ERO1B: variants seen among roughly 807,000 people sequenced by gnomAD.
The protein encoded by ERO1B is endoplasmic reticulum oxidoreductase 1 beta, also known as ERO1-like protein beta.
In ERO1B, 49 loss-of-function variants were observed where a neutral mutation model predicts 75.3. That is an observed-to-expected ratio of 0.65 (90% confidence interval 0.52 to 0.83). The LOEUF is 0.83. ERO1B is among the 40% of genes least tolerant of loss of function. The pLI is 0.00. For synonymous variants in ERO1B, 191 were observed against 192.9 expected (o/e 0.99, Z 0.08); for missense variants, 512 against 560.1 (o/e 0.91, Z 0.87).
Position 236,252,102 on chromosome 1 carries a change from CAAGAA to C in ERO1B, c.307-16_307-12del. The C allele has an allele frequency of 6.3e-7, 1 of 1,579,324 alleles. No individual in the cohort carries two copies. The highest frequency in any genetic ancestry group is 8.7e-7 in the Non-Finnish European group (1 of 1,154,564). The stretch of plus-strand genomic sequence containing the variant: ...AACCGGAATTTTACTCTTAAAAAAA[CAAGAA>C]AAGCAAAAAAATTTTTAAGTGATCT... On this transcript the variant is annotated splice_polypyrimidine_tract_variant and intron_variant, in intron 3 of 15. Transcript: ENST00000354619.
chr1:236,267,002 T>G lies in ERO1B; in HGVS notation c.222+2873A>C, dbSNP rs78091871. Among the ~76,000 whole-genome samples, 316 of 152,374 alleles carry G rather than the reference T, an allele frequency of 2.1e-3. 5 individuals carry two copies. In the East Asian group the frequency reaches 0.057, roughly 28 times the overall value. On this transcript the variant is annotated intron_variant, in intron 2 of 15. Coordinates refer to ENST00000354619, the MANE Select transcript of ERO1B (RefSeq NM_019891.4). Reference sequence around the variant, plus strand: ...ATCCAAGTTCCATTATTCCTTCTTTTGTAACAGTCCCTAATTTCCCTTTGG... The same window carrying G: ...ATCCAAGTTCCATTATTCCTTCTTTGGTAACAGTCCCTAATTTCCCTTTGG...
chr1:236,224,930 TACCA>T, intron 13 of ERO1B, 136 bp downstream of exon 13: 3 of 740,418 alleles, frequency 4.1e-6, no homozygotes, highest in Admixed American at 2.4e-5. Context: ...AGGCTTTTTG[TACCA>T]TTTGTATTAA....
At position 236,217,483 on chromosome 1, in the gene ERO1B, T is replaced by C. The variant is rs1250051475; in HGVS notation, c.*1033A>G. On this transcript the variant is annotated 3_prime_UTR_variant, in exon 16 of 16. Coordinates refer to ENST00000354619, the MANE Select transcript of ERO1B (RefSeq NM_019891.4). ...GGTTGACCTAATCTACCTTTTTATA[T>C]ATCCTGTCAGGGAAAAGCACACTGA... 2.6e-5 allele frequency: 4 copies of C among 152,558 alleles called. No homozygotes were observed. Among genetic ancestry groups the C allele is most frequent in the African/African-American group, 4.8e-5 (2 of 41,448 alleles). The allele number at this position is 152,558 out of a possible 1,614,324, so 9.5% of individuals were successfully genotyped here. A position where few individuals can be genotyped will look rare whatever the true frequency, so the allele number is the denominator to read the frequency against.
chr1:236,275,055 AAGG>A lies in ERO1B; in HGVS notation c.103-5064_103-5062del, dbSNP rs1665680218. On this transcript the variant is annotated intron_variant, in intron 1 of 15. Coordinates refer to ENST00000354619, the MANE Select transcript of ERO1B (RefSeq NM_019891.4). ...AGCTTGCCCCATGTTTTTGAGGAAT[AAGG>A]AGGACTATACAATAGGCAAGAAGGA... 2.6e-5 allele frequency among the ~76,000 whole-genome samples: 4 copies of A among 152,230 alleles called. 1 individual carries two copies. In the South Asian group the frequency reaches 8.3e-4, roughly 32 times the overall value.
At chr1:236,278,785 T>C (rs796446837) in intron 1 of ERO1B, among the ~76,000 whole-genome samples, 7 of 152,324 alleles carry the variant, frequency 4.6e-5, no homozygotes, top group African/African-American at 1.7e-4. Context: ...TAATGGGGCA[T>C]GAGATATACA....
At chr1:236,264,370 G>C (rs1312158188) in intron 2 of ERO1B, among the ~76,000 whole-genome samples, 1 of 151,990 alleles carries the variant, frequency 6.6e-6, no homozygotes, top group Non-Finnish European at 1.5e-5. Context: ...CAGCCTCCCA[G>C]CGTGCCGGGA....
At chr1:236,266,697 T>C (rs947395172) in intron 2 of ERO1B, among the ~76,000 whole-genome samples, 6 of 152,220 alleles carry the variant, frequency 3.9e-5, no homozygotes, top group Non-Finnish European at 5.9e-5. Flanking sequence ...TCTTTGCCAC[T>C]GTTGTAGGTA....
rs1664522877 is a variant in ERO1B at position 236,235,738 on chromosome 1, G to T, written c.673+51C>A. The T allele has an allele frequency of 3.4e-6, 5 of 1,454,988 alleles. No homozygotes were observed. The East Asian group carries it at 1.1e-4, about 33-fold the overall frequency. 90.1% of individuals were successfully genotyped at this position (1,454,988 alleles called of 1,614,324 possible). ...TTTCAATATGAAGTTTAGTTATAAAGACATTTTATAAACAATGAAAAGCAT... is the reference window on the plus strand; with the variant it reads ...TTTCAATATGAAGTTTAGTTATAAATACATTTTATAAACAATGAAAAGCAT... On this transcript the variant is annotated intron_variant, in intron 8 of 15. Coordinates refer to ENST00000354619, the MANE Select transcript of ERO1B (RefSeq NM_019891.4).
At chr1:236,222,556 G>A (rs1664178346) in intron 13 of ERO1B, among the ~76,000 whole-genome samples, 1 of 152,186 alleles carries the variant, frequency 6.6e-6, no homozygotes, top group Non-Finnish European at 1.5e-5. Context: ...TTTATGCAAA[G>A]CACCAAAATA....
intron 2 of ERO1B, among the ~76,000 whole-genome samples, chr1:236,257,560 C>CAAAAAAAAAAAAAAAAA (rs57151086): frequency 2.9e-4 from 37 of 125,492 alleles, no homozygotes; most frequent in East Asian, 2.8e-3. Flanking sequence ...AAATATGCTC[C>CAAAAAAAAAAAAAAAAA]AAAAAAAAAA....
rs1054654345 is a variant in ERO1B at position 236,281,918 on chromosome 1, G to C, written c.-135C>G. On this transcript the variant is annotated 5_prime_UTR_variant, in exon 1 of 16. Coordinates refer to ENST00000354619, the MANE Select transcript of ERO1B (RefSeq NM_019891.4). ...GGTCAGAGGTCTGCACTCCAGTCCG[G>C]AGGCAGGCGACTCTTTCCCCAACAC... The C allele has an allele frequency of 1.7e-5, 8 of 482,966 alleles. No individual in the cohort carries two copies. The highest frequency in any genetic ancestry group is 1.6e-4 in the African/African-American group (8 of 50,134). 29.9% of individuals were successfully genotyped at this position (482,966 alleles called of 1,614,324 possible). A position where few individuals can be genotyped will look rare whatever the true frequency, so the allele number is the denominator to read the frequency against.
intron 4 of ERO1B, chr1:236,251,342 T>C (rs1180247741): frequency 1.1e-5 from 2 of 184,518 alleles, no homozygotes; most frequent in African/African-American, 4.8e-5. Context: ...GAAAAATGGT[T>C]AGCTCTGGGA....
chr1:236,266,165 A>C (rs1451543062), intron 2 of ERO1B, among the ~76,000 whole-genome samples: 2 of 152,276 alleles, frequency 1.3e-5, no homozygotes, highest in Non-Finnish European at 2.9e-5. Context: ...ATCATTCAAT[A>C]AATATTTACT....
chr1:236,277,204 G>A (rs1268969723), intron 1 of ERO1B, among the ~76,000 whole-genome samples: 1 of 152,148 alleles, frequency 6.6e-6, no homozygotes, highest in East Asian at 1.9e-4. Context: ...AGGAATTTGA[G>A]ACCAGCCTGG....
At chr1:236,255,122 G>C (rs1294148938) in intron 2 of ERO1B, among the ~76,000 whole-genome samples, 2 of 149,656 alleles carry the variant, frequency 1.3e-5, no homozygotes, top group Non-Finnish European at 3.0e-5. Context: ...TTTAAGTAGA[G>C]ACAAGGTCTC....
Position 236,281,827 on chromosome 1 carries a change from C to T in ERO1B, c.-44G>A. ...CGCGGCCAGCCGGACCCCTCGGGGC[C>T]GGGGAACGACGGGCGGCCCAGGCGA... is the stretch of plus-strand genomic sequence containing the variant. On this transcript the variant is annotated 5_prime_UTR_variant, in exon 1 of 16. Coordinates refer to ENST00000354619, the MANE Select transcript of ERO1B (RefSeq NM_019891.4). 1.5e-6 allele frequency: 2 copies of T among 1,314,754 alleles called. No homozygotes were observed. Among genetic ancestry groups the T allele is most frequent in the Non-Finnish European group, 2.0e-6 (2 of 1,014,894 alleles). The allele number at this position is 1,314,754 out of a possible 1,614,324, so 81.4% of individuals were successfully genotyped here.
chr1:236,237,562 CTCA>C (rs1191182132), intron 6 of ERO1B, among the ~76,000 whole-genome samples: 2 of 152,274 alleles, frequency 1.3e-5, no homozygotes, highest in African/African-American at 2.4e-5. Context: ...CACATGTATG[CTCA>C]TAATACATAG....
intron 6 of ERO1B, among the ~76,000 whole-genome samples, chr1:236,242,102 C>T (rs989511183): frequency 1.3e-5 from 2 of 151,518 alleles, no homozygotes; most frequent in African/African-American, 4.8e-5. Context: ...ACTGTTTATA[C>T]TGATGGCAGG....
chr1:236,264,796 G>A (rs1194227026), intron 2 of ERO1B, among the ~76,000 whole-genome samples: 1 of 151,886 alleles, frequency 6.6e-6, no homozygotes, highest in African/African-American at 2.4e-5. Flanking sequence ...AGTGAGTCGA[G>A]ATCACACCAC....
Sources: allele counts gnomAD v4.1 joint callset (sites outside exome capture counted in the v4.1 genomes callset), GRCh38; gene constraint gnomAD v4.1.1; transcripts MANE v1.5; gene names NCBI Gene and HGNC (gene_info 2026-07-23, HGNC 2026-07-21).